ARSB: variants seen among roughly 807,000 people sequenced by gnomAD.
ARSB encodes N-acetylgalactosamine-4-sulfatase.
A neutral mutation model predicts 50.9 loss-of-function variants in ARSB; 41 were observed. The ratio of observed to expected loss-of-function variants is 0.81; its 90% confidence interval spans 0.63 to 1.04. ARSB has a LOEUF of 1.04. Among genes scored for constraint, ARSB ranks in the 50% least tolerant of loss-of-function variants. The probability of loss-of-function intolerance (pLI) is 0.00; values close to 1 mark genes in which losing one functional copy is unlikely to be tolerated. For missense variants in ARSB, 672 were observed against 693.3 expected, an observed-to-expected ratio of 0.97 and a Z score of 0.35; for synonymous variants, 269 against 284.8, an observed-to-expected ratio of 0.94 and a Z score of 0.56.
At chr5:78,983,128 A>C (rs1752985580) in intron 1 of ARSB, among the ~76,000 whole-genome samples, 1 of 152,132 alleles carries the variant, frequency 6.6e-6, no homozygotes, top group Non-Finnish European at 1.5e-5. Flanking sequence ...ATCTCGGCTC[A>C]CTGCAACCTC....
chr5:78,856,292 G>A (rs1746138637), intron 5 of ARSB, among the ~76,000 whole-genome samples: 1 of 152,100 alleles, frequency 6.6e-6, no homozygotes, highest in South Asian at 2.1e-4. Context: ...CTAAATTCTT[G>A]ATTTTGTTCC....
intron 6 of ARSB, among the ~76,000 whole-genome samples, chr5:78,810,096 C>A (rs1181592904): frequency 6.6e-6 from 1 of 152,226 alleles, no homozygotes; most frequent in Non-Finnish European, 1.5e-5. Context: ...TCTCCATTCA[C>A]TTCTCAAATT....
At chr5:78,916,349 G>A (rs1749542468) in intron 4 of ARSB, among the ~76,000 whole-genome samples, 1 of 152,206 alleles carries the variant, frequency 6.6e-6, no homozygotes, top group African/African-American at 2.4e-5. Context: ...AAAGGAGACT[G>A]GGCCTGGGCA....
chr5:78,872,755 T>C (rs1460427721), intron 5 of ARSB, among the ~76,000 whole-genome samples: 2 of 147,530 alleles, frequency 1.4e-5, no homozygotes, highest in Non-Finnish European at 3.0e-5. Flanking sequence ...GCATGGCACA[T>C]GTATACATAT....
intron 6 of ARSB, among the ~76,000 whole-genome samples, chr5:78,799,329 C>A (rs190650098): frequency 6.6e-6 from 1 of 152,312 alleles, no homozygotes; most frequent in East Asian, 1.9e-4. Context: ...ATTGCTGAAG[C>A]CTCAGTCCTC....
intron 1 of ARSB, among the ~76,000 whole-genome samples, chr5:78,976,006 A>G (rs1004208792): frequency 5.9e-5 from 9 of 152,200 alleles, no homozygotes; most frequent in Non-Finnish European, 1.2e-4. Flanking sequence ...AATGCAGTAC[A>G]CAAATTCTAT....
At position 78,814,266 on chromosome 5, in the gene ARSB, T is replaced by C. The variant is rs1191924773; in HGVS notation, c.1213+25090A>G. Among the ~76,000 whole-genome samples the C allele has an allele frequency of 2.0e-5, 3 of 151,092 alleles. 1 individual carries two copies. The highest frequency in any genetic ancestry group is 2.0e-4 in the Admixed American group (3 of 15,202). On this transcript the variant is annotated intron_variant, in intron 6 of 7. Coordinates refer to ENST00000264914, the MANE Select transcript of ARSB (RefSeq NM_000046.5). ...TGCCATTTGGAGTCTATACAGTTTTTCAATAGTGTAACACACAAATCAGTC... is the reference window on the plus strand; with the variant it reads ...TGCCATTTGGAGTCTATACAGTTTTCCAATAGTGTAACACACAAATCAGTC...
intron 5 of ARSB, among the ~76,000 whole-genome samples, chr5:78,859,306 T>C (rs1033111166): frequency 1.3e-5 from 2 of 152,174 alleles, no homozygotes; most frequent in Non-Finnish European, 1.5e-5. Flanking sequence ...TAGATTGTTA[T>C]TAAGAAGGTT....
intron 5 of ARSB, among the ~76,000 whole-genome samples, chr5:78,839,849 A>T (rs1297045411): frequency 6.6e-6 from 1 of 152,238 alleles, no homozygotes; most frequent in Admixed American, 6.5e-5. Flanking sequence ...CATGCCTCTT[A>T]AAGAGTAACC....
intron 6 of ARSB, among the ~76,000 whole-genome samples, chr5:78,804,722 G>A (rs1743505146): frequency 6.6e-6 from 1 of 152,182 alleles, no homozygotes; most frequent in Non-Finnish European, 1.5e-5. Context: ...GTAGGGACTG[G>A]CCTTTCTGTC....
chr5:78,883,462 TAAAATAATATG>T lies in ARSB; in HGVS notation c.1142+2111_1142+2121del, dbSNP rs1169381846. ...AACAATTTGAGGCTAGTGAGGATTT[TAAAATAATATG>T]AAAATAATATGACTCATAAGAACCA... On this transcript the variant is annotated intron_variant, in intron 5 of 7. Transcript: ENST00000264914. The T allele has an allele frequency of 1.2e-4, 18 of 152,354 alleles. No homozygotes were observed. In the East Asian group the frequency reaches 1.5e-3, roughly 13 times the overall value. 9.4% of individuals were successfully genotyped at this position (152,354 alleles called of 1,614,324 possible).
At chr5:78,873,102 T>C (rs1747307063) in intron 5 of ARSB, among the ~76,000 whole-genome samples, 1 of 151,992 alleles carries the variant, frequency 6.6e-6, no homozygotes, top group South Asian at 2.1e-4. Context: ...GGAAAAACAG[T>C]CATAAGGCAG....
intron 6 of ARSB, among the ~76,000 whole-genome samples, chr5:78,804,798 CT>C (rs1340191949): frequency 6.6e-6 from 1 of 152,194 alleles, no homozygotes; most frequent in Non-Finnish European, 1.5e-5. Context: ...GCCATTATAC[CT>C]GTGCACGCTG....
intron 4 of ARSB, among the ~76,000 whole-genome samples, chr5:78,931,800 G>A (rs1319483254): frequency 6.6e-6 from 1 of 152,066 alleles, no homozygotes; most frequent in Non-Finnish European, 1.5e-5. Context: ...TGTTGAAGAA[G>A]GGACCTGGTG....
At chr5:78,971,704 A>G (rs887474227) in intron 1 of ARSB, among the ~76,000 whole-genome samples, 12 of 152,246 alleles carry the variant, frequency 7.9e-5, no homozygotes, top group Middle Eastern at 3.4e-3. Context: ...TTACTGCATG[A>G]TCTCTTTCCA....
chr5:78,909,862 T>C (rs1021179017), intron 4 of ARSB, among the ~76,000 whole-genome samples: 1 of 152,136 alleles, frequency 6.6e-6, no homozygotes, highest in Non-Finnish European at 1.5e-5. Flanking sequence ...CACTGTCTCC[T>C]GCCTGCCCCT....
At chr5:78,872,201 C>A (rs1397204101) in intron 5 of ARSB, among the ~76,000 whole-genome samples, 1 of 150,502 alleles carries the variant, frequency 6.6e-6, no homozygotes, top group African/African-American at 2.4e-5. Context: ...AACAGGAACA[C>A]TTTTACACTG....
intron 5 of ARSB, among the ~76,000 whole-genome samples, chr5:78,856,898 T>C (rs1019581257): frequency 3.9e-5 from 6 of 152,210 alleles, no homozygotes; most frequent in African/African-American, 1.4e-4. Flanking sequence ...AGCATTGTCT[T>C]TGGGAGCAAA....
At chr5:78,863,576 G>A (rs1158268655) in intron 5 of ARSB, among the ~76,000 whole-genome samples, 1 of 143,584 alleles carries the variant, frequency 7.0e-6, no homozygotes, top group East Asian at 2.3e-4. Context: ...TTGGACACGG[G>A]GCGGGGAACA....
Sources: gnomAD v4.1 joint callset for allele counts (sites outside exome capture counted in the v4.1 genomes callset) on GRCh38, gnomAD v4.1.1 for gene constraint, MANE v1.5 for transcripts, NCBI Gene and HGNC (gene_info 2026-07-23, HGNC 2026-07-21) for gene names.